The following PPP1R12A variants were observed in gnomAD, a reference collection of about 807,000 sequenced individuals.
PPP1R12A encodes protein phosphatase 1 regulatory subunit 12A, also known as myosin binding subunit.
Under a neutral mutation model 139.6 loss-of-function variants are expected in PPP1R12A, and 19 were observed. That is an observed-to-expected ratio of 0.14 (90% CI 0.09 to 0.20). The LOEUF is 0.20. PPP1R12A is among the 10% of genes least tolerant of loss of function. PPP1R12A has a pLI of 1.00. For missense variants in PPP1R12A, 925 were observed against 1,211.5 expected (o/e 0.76, Z 3.51); for synonymous variants, 427 against 420.6 (o/e 1.02, Z -0.19).
chr12:79,780,800 C>T (rs1870348876), intron 23 of PPP1R12A: 1 of 152,046 alleles, frequency 6.6e-6, no homozygotes, highest in South Asian at 2.1e-4. Flanking sequence ...ATTTTGAAAA[C>T]ATGACTCAGA....
chr12:79,808,550 C>T lies in PPP1R12A; in HGVS notation c.1483G>A (p.Ala495Thr), dbSNP rs747997770. The T allele has an allele frequency of 1.9e-6, 3 of 1,607,872 alleles. No homozygotes were observed. Among genetic ancestry groups the T allele is most frequent in the Non-Finnish European group, 2.6e-6 (3 of 1,175,592 alleles). ...CTTGGTATTGTAGGTGCAACATATGCAAGCCTAGTTCCTTTACTATCTTTC... is the reference window on the plus strand; with the variant it reads ...CTTGGTATTGTAGGTGCAACATATGTAAGCCTAGTTCCTTTACTATCTTTC... ...KEKDSKGTRL[A>T]YVAPTIPRRL... is the part of the protein sequence containing the mutation. The change falls in exon 11 of 25, where the codon GCA becomes ACA. Residue 495 changes from alanine to threonine, a missense_variant. Transcript: ENST00000450142.
chr12:79,932,266 G>T (rs1054528968), intron 1 of PPP1R12A, among the ~76,000 whole-genome samples: 22 of 152,088 alleles, frequency 1.4e-4, no homozygotes, highest in Non-Finnish European at 2.9e-4. Context: ...TTTCTTAAAG[G>T]CTTAAAATTT....
chr12:79,903,382 T>C (rs536948153), intron 1 of PPP1R12A, among the ~76,000 whole-genome samples: 262 of 150,598 alleles, frequency 1.7e-3, no homozygotes, highest in Non-Finnish European at 2.3e-3. Context: ...ACCCGGGAAG[T>C]AGATGTTGCA....
intron 1 of PPP1R12A, among the ~76,000 whole-genome samples, chr12:79,926,837 G>C (rs1384345880): frequency 6.6e-6 from 1 of 151,824 alleles, no homozygotes; most frequent in Non-Finnish European, 1.5e-5. Context: ...CCTACAATTT[G>C]TCTCTAAAAA....
chr12:79,818,318 A>G (rs778365803), intron 8 of PPP1R12A, among the ~76,000 whole-genome samples: 2 of 152,132 alleles, frequency 1.3e-5, no homozygotes, highest in African/African-American at 4.8e-5. Context: ...ATCTTGGCTC[A>G]CTGAAGCCTG....
chr12:79,786,539 C>T (rs1871153799), intron 21 of PPP1R12A, 61 bp from the exon 22 acceptor site: 3 of 1,081,832 alleles, frequency 2.8e-6, no homozygotes, highest in Non-Finnish European at 4.0e-6. Context: ...TTTAAAATTT[C>T]TCATTGATTA....
At chr12:79,842,573 CTT>C (rs1331099510) in intron 3 of PPP1R12A, among the ~76,000 whole-genome samples, 1 of 119,996 alleles carries the variant, frequency 8.3e-6, no homozygotes, top group Non-Finnish European at 1.6e-5. Context: ...ACATGTGGCA[CTT>C]TGTGTGTGTG....
chr12:79,839,538 C>T (rs535582222), intron 3 of PPP1R12A, among the ~76,000 whole-genome samples: 5 of 152,210 alleles, frequency 3.3e-5, no homozygotes, highest in East Asian at 1.9e-4. Context: ...CCCCACAAGT[C>T]GTGGGAGGGA....
intron 3 of PPP1R12A, among the ~76,000 whole-genome samples, chr12:79,836,921 A>G (rs544227517): frequency 2.0e-5 from 3 of 152,290 alleles, no homozygotes; most frequent in Non-Finnish European, 4.4e-5. Flanking sequence ...AATCTATGCT[A>G]TGCTCTGGTT....
rs148200507 is a variant in PPP1R12A, at chr12:79,934,622, C to T, written c.237+73G>A. ...GCCCCCAGCCTCAAGAGGTGGAGAA[C>T]TGAGGGCAGGCCCGAGCAGGAGGCC... On this transcript the variant is annotated intron_variant, in intron 1 of 24. Coordinates refer to ENST00000450142, the MANE Select transcript of PPP1R12A (RefSeq NM_002480.3). The T allele has an allele frequency of 8.1e-4, 1,100 of 1,354,948 alleles. 5 individuals are homozygous for T. In the African/African-American group the frequency reaches 0.015, roughly 18 times the overall value. 83.9% of individuals were successfully genotyped at this position (1,354,948 alleles called of 1,614,324 possible).
At chr12:79,918,189 A>G (rs1002346144) in intron 1 of PPP1R12A, among the ~76,000 whole-genome samples, 1 of 152,050 alleles carries the variant, frequency 6.6e-6, no homozygotes, top group Non-Finnish European at 1.5e-5. Flanking sequence ...ACGAATCTGT[A>G]TCCTGCGTTT....
intron 2 of PPP1R12A, among the ~76,000 whole-genome samples, chr12:79,864,392 G>A (rs144946691): frequency 1.6e-3 from 246 of 152,266 alleles, no homozygotes; most frequent in African/African-American, 5.3e-3. Context: ...AAGCAGGAGT[G>A]ATCTAAAACT....
intron 3 of PPP1R12A, among the ~76,000 whole-genome samples, chr12:79,833,846 G>GAAAAAAAAA (rs371589074): frequency 1.7e-5 from 2 of 116,782 alleles, no homozygotes; most frequent in Admixed American, 9.2e-5. Flanking sequence ...CAAAGAAAAG[G>GAAAAAAAAA]AAAAAAAAAA....
At chr12:79,819,023 T>C (rs1875752997) in intron 8 of PPP1R12A, 1 of 152,140 alleles carries the variant, frequency 6.6e-6, no homozygotes, top group Admixed American at 6.5e-5. Flanking sequence ...TTACAATGGG[T>C]TAATTCTTGA....
intron 13 of PPP1R12A, 148 bp from the exon 14 acceptor site, chr12:79,805,916 G>T: frequency 2.0e-6 from 2 of 986,624 alleles, no homozygotes; most frequent in Non-Finnish European, 2.9e-6. Context: ...GAACCAAAAA[G>T]CTCACCCAGA....
chr12:79,929,366 T>C (rs1888082972), intron 1 of PPP1R12A, among the ~76,000 whole-genome samples: 1 of 152,142 alleles, frequency 6.6e-6, no homozygotes, highest in Non-Finnish European at 1.5e-5. Context: ...GCTCAGACTC[T>C]TACAAAGTGA....
intron 21 of PPP1R12A, chr12:79,787,502 G>C (rs1871267674): frequency 6.6e-6 from 1 of 151,966 alleles, no homozygotes; most frequent in Admixed American, 6.6e-5. Context: ...ACTTCCTTTG[G>C]AAATCAATCC....
chr12:79,814,938 T>C (rs993195069), intron 9 of PPP1R12A, among the ~76,000 whole-genome samples: 1 of 151,946 alleles, frequency 6.6e-6, no homozygotes, highest in Non-Finnish European at 1.5e-5. Flanking sequence ...TTATGGTGCT[T>C]GAAACTGAGA....
At chr12:79,804,068 C>A (rs1408512251) in intron 14 of PPP1R12A, among the ~76,000 whole-genome samples, 1 of 151,970 alleles carries the variant, frequency 6.6e-6, no homozygotes, top group Non-Finnish European at 1.5e-5. Flanking sequence ...TCAAACACCT[C>A]ATTTAACAGA....
Sources: gnomAD v4.1 joint callset for allele counts (sites outside exome capture counted in the v4.1 genomes callset) on GRCh38, gnomAD v4.1.1 for gene constraint, MANE v1.5 for transcripts, NCBI Gene and HGNC (gene_info 2026-07-23, HGNC 2026-07-21) for gene names.